Variants in TLL1 observed in about 807,000 individuals in gnomAD.
The protein encoded by TLL1 is tolloid-like protein 1.
TLL1 carries 49 observed loss-of-function variants against 128.2 expected under a neutral mutation model. The ratio of observed to expected loss-of-function variants is 0.38; its 90% CI spans 0.30 to 0.48. The LOEUF is 0.48. TLL1 is among the 20% of genes least tolerant of loss of function. The pLI is 0.96. For synonymous variants in TLL1, 454 were observed against 418.8 expected (o/e 1.08, Z -1.03); for missense variants, 1,123 against 1,242.0 (o/e 0.90, Z 1.44).
At chr4:166,057,141 A>C (rs767481179) in intron 13 of TLL1, 43 bp from the exon 14 acceptor site, 1 of 1,607,418 alleles carries the variant, frequency 6.2e-7, no homozygotes, top group East Asian at 2.2e-5. Flanking sequence ...ACATACACAC[A>C]TATATATGTA....
intron 9 of TLL1, among the ~76,000 whole-genome samples, chr4:166,030,184 C>T (rs181756462): frequency 1.1e-3 from 172 of 152,236 alleles, no homozygotes; most frequent in African/African-American, 4.0e-3. Flanking sequence ...AGTAGCCATC[C>T]TACTGGGTGT....
In TLL1 at chr4:165,874,032, A is replaced by G. The variant is rs1428121694; in HGVS notation, c.128A>G (p.Asp43Gly). ...YDYTFDGNEE[D>G]KTETIDYKDP... is the part of the protein sequence containing the mutation. ...TACACTTTTGATGGGAACGAAGAGG[A>G]TAAAACAGAGACTATAGATTACAAG... Residue 43 changes from aspartate (D) to glycine (G), a missense_variant, in exon 1 of 21, where the codon GAT (aspartate) becomes GGT (glycine). Transcript: ENST00000061240. 1 of 1,614,150 alleles carries G rather than the reference A, an allele frequency of 6.2e-7. No homozygotes were observed. Among genetic ancestry groups the G allele is most frequent in the Admixed American group, 1.7e-5 (1 of 60,028 alleles).
chr4:165,911,060 A>G lies in TLL1; in HGVS notation c.169+36987A>G, dbSNP rs145175084. ...GAGAGCATTTCAAGTCCTCATTTCTAGCTATTTTGAGATATATAATGTGTT... is the reference window on the plus strand; with the variant it reads ...GAGAGCATTTCAAGTCCTCATTTCTGGCTATTTTGAGATATATAATGTGTT... On this transcript the variant is annotated intron_variant, in intron 1 of 20. Coordinates refer to ENST00000061240, the MANE Select transcript of TLL1 (RefSeq NM_012464.5). 1.6e-3 allele frequency among the ~76,000 whole-genome samples: 246 copies of G among 152,256 alleles called. 2 individuals are homozygous for G. Among genetic ancestry groups the G allele is most frequent in the African/African-American group, 5.7e-3 (236 of 41,550 alleles).
At chr4:166,044,982 A>C (rs1739399324) in intron 12 of TLL1, among the ~76,000 whole-genome samples, 1 of 152,210 alleles carries the variant, frequency 6.6e-6, no homozygotes, top group Non-Finnish European at 1.5e-5. Context: ...AGTCTTCAAA[A>C]ATAAGATAAC....
At chr4:166,001,289 CTAAT>C (rs1311428867) in intron 5 of TLL1, among the ~76,000 whole-genome samples, 1 of 152,038 alleles carries the variant, frequency 6.6e-6, no homozygotes, top group Non-Finnish European at 1.5e-5. Flanking sequence ...AATTTAAACT[CTAAT>C]TATTAAAGTT....
intron 1 of TLL1, among the ~76,000 whole-genome samples, chr4:165,962,999 G>A (rs1735187843): frequency 7.0e-6 from 1 of 143,182 alleles, no homozygotes; most frequent in African/African-American, 2.6e-5. Flanking sequence ...AGGTTATAGT[G>A]AGCTGAGGTC....
At chr4:165,946,713 C>T (rs2110932272) in intron 1 of TLL1, among the ~76,000 whole-genome samples, 1 of 152,024 alleles carries the variant, frequency 6.6e-6, no homozygotes, top group South Asian at 2.1e-4. Context: ...GGTGCTTCAG[C>T]AACAAATACA....
At chr4:165,950,868 A>T (rs929756044) in intron 1 of TLL1, among the ~76,000 whole-genome samples, 3 of 152,048 alleles carry the variant, frequency 2.0e-5, no homozygotes, top group Non-Finnish European at 4.4e-5. Flanking sequence ...AGAACAGAAA[A>T]CCTAAAGCAA....
rs1289346047 is a variant in TLL1 at position 166,091,360 on chromosome 4, T to G, written c.2656+19T>G. 6.2e-7 allele frequency: 1 copy of G among 1,605,190 alleles called. No individual in the cohort carries two copies. Among genetic ancestry groups the G allele is most frequent in the Non-Finnish European group, 8.5e-7 (1 of 1,173,438 alleles). On this transcript the variant is annotated intron_variant, in intron 19 of 20. Coordinates refer to ENST00000061240, the MANE Select transcript of TLL1 (RefSeq NM_012464.5). ...TCTACAGGTCAGCAAATTCAAGTCA[T>G]GCTTCTCTTTTTTGACTGAGATCCA...
intron 5 of TLL1, among the ~76,000 whole-genome samples, chr4:165,996,928 C>T (rs924099909): frequency 6.6e-6 from 1 of 150,472 alleles, no homozygotes; most frequent in Non-Finnish European, 1.5e-5. Flanking sequence ...TAATATATAC[C>T]TATATTTGTG....
chr4:166,080,507 C>T (rs1042110766), intron 18 of TLL1, among the ~76,000 whole-genome samples: 1 of 152,104 alleles, frequency 6.6e-6, no homozygotes, highest in Non-Finnish European at 1.5e-5. Context: ...TTGATATAAA[C>T]ATAGGGGCCA....
intron 1 of TLL1, among the ~76,000 whole-genome samples, chr4:165,949,678 A>G (rs1734418053): frequency 6.6e-6 from 1 of 152,218 alleles, no homozygotes; most frequent in African/African-American, 2.4e-5. Context: ...GAGTCAAGCA[A>G]AAGGGGTTTC....
chr4:166,015,097 T>C (rs1197481311), intron 8 of TLL1, among the ~76,000 whole-genome samples: 2 of 151,974 alleles, frequency 1.3e-5, no homozygotes, highest in African/African-American at 4.8e-5. Context: ...CAAAAGCAGA[T>C]TCATGAAACG....
chr4:166,077,425 AAG>A lies in TLL1; in HGVS notation c.2315-468_2315-467del, dbSNP rs34584987. On this transcript the variant is annotated intron_variant, in intron 17 of 20. Transcript: ENST00000061240. ...TAGGTATTCAAGTGTATATTTAACT[AAG>A]AGAGAGAGAAAATGTAAATACATGA... Among the ~76,000 whole-genome samples the A allele has an allele frequency of 2.7e-3, 407 of 152,224 alleles. 1 individual carries two copies. Among genetic ancestry groups the A allele is most frequent in the Middle Eastern group, 0.01 (3 of 294 alleles).
At chr4:165,954,649 A>G (rs764086200) in intron 1 of TLL1, among the ~76,000 whole-genome samples, 1 of 152,112 alleles carries the variant, frequency 6.6e-6, no homozygotes, top group Admixed American at 6.6e-5. Context: ...CACATTGCAT[A>G]TGAAACCCAA....
intron 16 of TLL1, 61 bp downstream of exon 16, chr4:166,065,924 T>A (rs1444691057): frequency 8.4e-7 from 1 of 1,194,552 alleles, no homozygotes; most frequent in African/African-American, 4.2e-5. Flanking sequence ...TTGGATTAAA[T>A]TGTATGTGAT....
intron 1 of TLL1, among the ~76,000 whole-genome samples, chr4:165,884,736 T>C (rs930560808): frequency 6.6e-6 from 1 of 152,162 alleles, no homozygotes; most frequent in African/African-American, 2.4e-5. Context: ...CTCTGGAGGC[T>C]GATGCAGGAG....
intron 12 of TLL1, among the ~76,000 whole-genome samples, chr4:166,051,747 T>C (rs1005452951): frequency 1.3e-5 from 2 of 152,194 alleles, no homozygotes; most frequent in African/African-American, 4.8e-5. Flanking sequence ...TGTAAAGATA[T>C]AATGTATTTC....
intron 8 of TLL1, among the ~76,000 whole-genome samples, chr4:166,018,302 A>T (rs932234765): frequency 3.3e-5 from 5 of 152,110 alleles, no homozygotes; most frequent in African/African-American, 1.2e-4. Context: ...ACATAAATTA[A>T]CTCAAGATGA....
Sources: gnomAD v4.1 joint callset for allele counts (sites outside exome capture counted in the v4.1 genomes callset) on GRCh38, gnomAD v4.1.1 for gene constraint, MANE v1.5 for transcripts, NCBI Gene and HGNC (gene_info 2026-07-23, HGNC 2026-07-21) for gene names.